Variants in TMCO4 observed in about 807,000 individuals in gnomAD.
The protein encoded by TMCO4 is transmembrane and coiled-coil domain-containing protein 4.
In TMCO4, 58 loss-of-function variants were observed where a neutral mutation model predicts 64.7. The ratio of observed to expected loss-of-function variants is 0.90; its 90% CI spans 0.73 to 1.12. The LOEUF (loss-of-function observed/expected upper bound fraction) is 1.12, where lower values mean the gene tolerates loss of function less well. Ranked by LOEUF, TMCO4 falls within the 50% of genes most tolerant of loss-of-function variation. TMCO4 has a pLI of 0.00. For missense variants in TMCO4, 780 were observed against 825.9 expected (o/e 0.94, Z 0.68); for synonymous variants, 325 against 346.1 (o/e 0.94, Z 0.68).
chr1:19,752,015 T>C (rs1570899183), intron 7 of TMCO4, among the ~76,000 whole-genome samples: 1 of 151,624 alleles, frequency 6.6e-6, no homozygotes, highest in African/African-American at 2.4e-5. Flanking sequence ...GCCACTGCAC[T>C]CCAGCCTGGG....
At chr1:19,760,411 C>T (rs907266692) in intron 6 of TMCO4, among the ~76,000 whole-genome samples, 36 of 152,198 alleles carry the variant, frequency 2.4e-4, no homozygotes, top group African/African-American at 5.1e-4. Context: ...GTTATTTCTC[C>T]GTATCTTTTT....
chr1:19,687,731 G>A (rs529158588), intron 15 of TMCO4, among the ~76,000 whole-genome samples: 2 of 152,196 alleles, frequency 1.3e-5, no homozygotes, highest in East Asian at 1.9e-4. Context: ...GTAGATGGCT[G>A]GTGCCAGTGC....
rs1191580203 is a variant in TMCO4, at chr1:19,731,487, GC to G, written c.1264+5884del. On this transcript the variant is annotated intron_variant, in intron 13 of 15. Coordinates refer to ENST00000294543, the MANE Select transcript of TMCO4 (RefSeq NM_181719.7). ...GTTCAGAGAGGTTACATGACTGGGT[GC>G]GTGGTGGGTTTGGAATTCAAACCAG... Among the ~76,000 whole-genome samples, 14 of 152,350 alleles carry G rather than the reference GC, an allele frequency of 9.2e-5. 1 individual carries two copies. Among genetic ancestry groups the G allele is most frequent in the Admixed American group, 7.8e-4 (12 of 15,306 alleles).
At chr1:19,699,845 C>T (rs970537570) in intron 14 of TMCO4, among the ~76,000 whole-genome samples, 11 of 152,196 alleles carry the variant, frequency 7.2e-5, no homozygotes, top group Non-Finnish European at 4.4e-5. Flanking sequence ...ATCATGTGCA[C>T]GAGCATGTAC....
At chr1:19,766,933 C>G (rs750140455) in intron 6 of TMCO4, among the ~76,000 whole-genome samples, 3 of 152,134 alleles carry the variant, frequency 2.0e-5, no homozygotes, top group Non-Finnish European at 4.4e-5. Flanking sequence ...CTCTGGGGAC[C>G]TTTGGGGCCC....
At chr1:19,714,837 C>T (rs556089779) in intron 13 of TMCO4, among the ~76,000 whole-genome samples, 136 of 152,228 alleles carry the variant, frequency 8.9e-4, no homozygotes, top group Middle Eastern at 3.4e-3. Flanking sequence ...GGAGGAGAAT[C>T]GCTTGAACCC....
intron 13 of TMCO4, among the ~76,000 whole-genome samples, chr1:19,715,604 G>A (rs554004960): frequency 1.3e-5 from 2 of 152,188 alleles, no homozygotes; most frequent in South Asian, 4.1e-4. Flanking sequence ...AATTTCTCAG[G>A]ATATAGGAGC....
intron 2 of TMCO4, among the ~76,000 whole-genome samples, chr1:19,791,978 G>A (rs1429387234): frequency 6.6e-6 from 1 of 152,162 alleles, no homozygotes; most frequent in Admixed American, 6.5e-5. Context: ...ATTCTCGTGA[G>A]AGTGAATAAG....
At position 19,683,080 on chromosome 1, in the gene TMCO4, C is replaced by T; in HGVS notation, c.1865G>A (p.Cys622Tyr). Residue 622 changes from cysteine to tyrosine, a missense_variant, in exon 16 of 16, where the codon TGT becomes TAT. Coordinates refer to ENST00000294543, the MANE Select transcript of TMCO4 (RefSeq NM_181719.7). The part of the protein sequence containing the change: ...MDPNPLGCPD[C>Y]ACKTQGPSTG... ...GCTGGGGCCCTGGGTCTTGCAGGCA[C>T]AATCGGGGCAGCCCAGTGGGTTGGG... 6.2e-7 allele frequency: 1 copy of T among 1,604,578 alleles called. No homozygotes were observed. Among genetic ancestry groups the T allele is most frequent in the Non-Finnish European group, 8.5e-7 (1 of 1,175,722 alleles).
intron 4 of TMCO4, among the ~76,000 whole-genome samples, chr1:19,775,218 C>T (rs2043155729): frequency 6.6e-6 from 1 of 152,180 alleles, no homozygotes; most frequent in South Asian, 2.1e-4. Flanking sequence ...ATGTGCACCA[C>T]CACACCCATC....
At chr1:19,798,532 A>C (rs1243095965) in intron 1 of TMCO4, among the ~76,000 whole-genome samples, 1 of 152,166 alleles carries the variant, frequency 6.6e-6, no homozygotes, top group Non-Finnish European at 1.5e-5. Flanking sequence ...AGCTCCTTTA[A>C]TTTTCACAAC....
In TMCO4 at chr1:19,778,433, C is replaced by T. The variant is rs1274960752; in HGVS notation, c.179+2147G>A. 9.9e-5 allele frequency among the ~76,000 whole-genome samples: 15 copies of T among 152,212 alleles called. No homozygotes were observed. The East Asian group carries it at 2.9e-3, about 29-fold the overall frequency. ...GGACCACAGGTGTGCACCACCATGC[C>T]TGGCTAATTTTTGTATTTTTAGTAG... On this transcript the variant is annotated intron_variant, in intron 4 of 15. Coordinates refer to ENST00000294543, the MANE Select transcript of TMCO4 (RefSeq NM_181719.7).
At chr1:19,709,113 G>C (rs1352215924) in intron 13 of TMCO4, among the ~76,000 whole-genome samples, 1 of 152,136 alleles carries the variant, frequency 6.6e-6, no homozygotes, top group Non-Finnish European at 1.5e-5. Flanking sequence ...CCCAAGCCCC[G>C]CAGTGGAATG....
chr1:19,726,860 G>A (rs1272314179), intron 13 of TMCO4, among the ~76,000 whole-genome samples: 1 of 152,204 alleles, frequency 6.6e-6, no homozygotes, highest in Non-Finnish European at 1.5e-5. Context: ...TGTCTGAAGA[G>A]AAGATTCCTC....
At chr1:19,763,366 C>T (rs1187601359) in intron 6 of TMCO4, among the ~76,000 whole-genome samples, 2 of 152,324 alleles carry the variant, frequency 1.3e-5, no homozygotes, top group East Asian at 1.9e-4. Context: ...GCGTGAGCCA[C>T]CACGCCGGGC....
intron 13 of TMCO4, among the ~76,000 whole-genome samples, chr1:19,702,977 T>C (rs1323634390): frequency 6.6e-6 from 1 of 152,196 alleles, no homozygotes; most frequent in Non-Finnish European, 1.5e-5. Flanking sequence ...CTCTGCTTTA[T>C]TTTTCTCCTT....
chr1:19,741,605 A>G (rs1463790701), intron 10 of TMCO4, among the ~76,000 whole-genome samples: 4 of 152,110 alleles, frequency 2.6e-5, no homozygotes, highest in African/African-American at 7.2e-5. Flanking sequence ...AAGTATAACC[A>G]TGACACCTGC....
intron 2 of TMCO4, among the ~76,000 whole-genome samples, chr1:19,797,709 C>T (rs1323925241): frequency 6.6e-6 from 1 of 151,818 alleles, no homozygotes; most frequent in Non-Finnish European, 1.5e-5. Context: ...TACTAAAATA[C>T]AAAAATCAGC....
chr1:19,740,647 CCT>C (rs2100844334), intron 11 of TMCO4, 128 bp downstream of exon 11: 3 of 1,075,034 alleles, frequency 2.8e-6, no homozygotes, highest in South Asian at 3.2e-5. Context: ...GCGGCCTTAA[CCT>C]CTCTGTGTTC....
Sources: allele counts gnomAD v4.1 joint callset (sites outside exome capture counted in the v4.1 genomes callset), GRCh38; gene constraint gnomAD v4.1.1; transcripts MANE v1.5; gene names NCBI Gene and HGNC (gene_info 2026-07-23, HGNC 2026-07-21).